The following CSMD1 variants were observed in gnomAD, a reference collection of about 807,000 sequenced individuals.
CSMD1 encodes CUB and sushi domain-containing protein 1.
A neutral mutation model predicts 417.5 loss-of-function variants in CSMD1; 213 were observed. The observed-to-expected ratio is 0.51, with a 90% CI of 0.46 to 0.57. The LOEUF (loss-of-function observed/expected upper bound fraction) is 0.57, where lower values mean the gene tolerates loss of function less well. Ranked by LOEUF, CSMD1 falls within the 20% of genes least tolerant of loss-of-function variation. The pLI is 0.00. For synonymous variants in CSMD1, 2,862 were observed against 1,736.8 expected (o/e 1.65, Z -16.11); for missense variants, 6,923 against 4,529.7 (o/e 1.53, Z -15.17).
chr8:4,196,009 A>G (rs923615807), intron 3 of CSMD1, among the ~76,000 whole-genome samples: 1 of 152,034 alleles, frequency 6.6e-6, no homozygotes, highest in Non-Finnish European at 1.5e-5. Context: ...CATGCGATCG[A>G]GACCATCCTG....
intron 68 of CSMD1, among the ~76,000 whole-genome samples, chr8:2,947,864 G>A (rs919164848): frequency 1.3e-5 from 2 of 150,644 alleles, no homozygotes; most frequent in South Asian, 4.2e-4. Context: ...ACATTATAAT[G>A]TTCTTCTATT....
chr8:3,926,489 A>AT (rs1337995575), intron 5 of CSMD1, among the ~76,000 whole-genome samples: 1 of 151,912 alleles, frequency 6.6e-6, no homozygotes, highest in Non-Finnish European at 1.5e-5. Flanking sequence ...TTTCATTAGT[A>AT]TTTTAATACT....
At chr8:4,450,706 G>C (rs1799089618) in intron 2 of CSMD1, among the ~76,000 whole-genome samples, 1 of 152,152 alleles carries the variant, frequency 6.6e-6, no homozygotes, top group African/African-American at 2.4e-5. Context: ...ACATCACAGA[G>C]TTTTAATAAA....
chr8:4,278,199 T>A (rs1250772652), intron 3 of CSMD1, among the ~76,000 whole-genome samples: 2 of 152,308 alleles, frequency 1.3e-5, no homozygotes, highest in East Asian at 3.9e-4. Context: ...ATAATTCCAG[T>A]GCTCAATAGA....
intron 8 of CSMD1, among the ~76,000 whole-genome samples, chr8:3,612,405 G>A (rs1801939572): frequency 6.6e-6 from 1 of 152,084 alleles, no homozygotes; most frequent in African/African-American, 2.4e-5. Context: ...CAAGTGTTAA[G>A]AAAATTAGTA....
At chr8:3,720,135 C>T (rs1244981559) in intron 6 of CSMD1, among the ~76,000 whole-genome samples, 2 of 152,214 alleles carry the variant, frequency 1.3e-5, no homozygotes, top group Non-Finnish European at 2.9e-5. Context: ...ACTCTTTATT[C>T]AGCTTTTCCC....
At chr8:3,247,657 C>T (rs888611514) in intron 26 of CSMD1, among the ~76,000 whole-genome samples, 5 of 152,146 alleles carry the variant, frequency 3.3e-5, no homozygotes, top group Admixed American at 1.3e-4. Context: ...AAGGCCCCCG[C>T]CCCCAGTTCT....
At chr8:3,630,075 T>C (rs543137680) in intron 7 of CSMD1, among the ~76,000 whole-genome samples, 9 of 152,288 alleles carry the variant, frequency 5.9e-5, no homozygotes, top group Non-Finnish European at 1.0e-4. Context: ...AAAATCCCCA[T>C]GGAAATAACA....
chr8:3,801,902 A>G (rs9314505), intron 5 of CSMD1, among the ~76,000 whole-genome samples: 121,405 of 151,934 alleles, frequency 0.8, 48,707 homozygotes, highest in African/African-American at 0.85. Flanking sequence ...CTCATATAAT[A>G]CCCAATGCCT....
intron 4 of CSMD1, among the ~76,000 whole-genome samples, chr8:3,999,359 C>T (rs995793183): frequency 1.3e-5 from 2 of 152,162 alleles, no homozygotes; most frequent in Non-Finnish European, 2.9e-5. Context: ...CCTCTCTCCA[C>T]CAAAATTATA....
At chr8:3,912,140 T>G (rs1808503791) in intron 5 of CSMD1, among the ~76,000 whole-genome samples, 1 of 152,206 alleles carries the variant, frequency 6.6e-6, no homozygotes, top group South Asian at 2.1e-4. Flanking sequence ...TATTTTTATT[T>G]AACCTGATTA....
intron 6 of CSMD1, among the ~76,000 whole-genome samples, chr8:3,750,363 TA>T (rs1386546896): frequency 1.3e-5 from 2 of 149,970 alleles, no homozygotes; most frequent in South Asian, 2.1e-4. Flanking sequence ...TGATTCAGGT[TA>T]AATATACGAT....
intron 3 of CSMD1, among the ~76,000 whole-genome samples, chr8:4,185,382 A>G (rs1305002145): frequency 1.3e-5 from 2 of 152,108 alleles, no homozygotes; most frequent in African/African-American, 2.4e-5. Context: ...CAGGGCTTTT[A>G]AAGTACCCAG....
intron 3 of CSMD1, among the ~76,000 whole-genome samples, chr8:4,112,051 T>C (rs1801884712): frequency 6.6e-6 from 1 of 152,178 alleles, no homozygotes; most frequent in Non-Finnish European, 1.5e-5. Flanking sequence ...TATGTTAACA[T>C]TTGCAATTTT....
intron 3 of CSMD1, among the ~76,000 whole-genome samples, chr8:4,049,327 T>C (rs985676474): frequency 6.6e-6 from 1 of 151,992 alleles, no homozygotes. Context: ...GGCCTCTATC[T>C]ACTAGATGCC....
intron 10 of CSMD1, among the ~76,000 whole-genome samples, chr8:3,501,567 G>A (rs1002628914): frequency 1.3e-5 from 2 of 152,134 alleles, no homozygotes. Context: ...TGAAATTAAT[G>A]GGTTAGAAAT....
chr8:3,431,444 C>A (rs1028646748), intron 12 of CSMD1, among the ~76,000 whole-genome samples: 2 of 152,184 alleles, frequency 1.3e-5, no homozygotes, highest in African/African-American at 4.8e-5. Flanking sequence ...GTCAGCATGT[C>A]ACTTTCAGTT....
At chr8:4,438,534 A>T (rs574970348) in intron 2 of CSMD1, among the ~76,000 whole-genome samples, 1 of 152,260 alleles carries the variant, frequency 6.6e-6, no homozygotes, top group East Asian at 1.9e-4. Context: ...CACTCCTTTC[A>T]CATGTTTTAC....
chr8:4,352,605 A>C (rs1024009065), intron 3 of CSMD1, among the ~76,000 whole-genome samples: 1 of 152,226 alleles, frequency 6.6e-6, no homozygotes, highest in Non-Finnish European at 1.5e-5. Flanking sequence ...AAGTTTGAGA[A>C]AAGTCATTTG....
Sources: allele counts gnomAD v4.1 joint callset (sites outside exome capture counted in the v4.1 genomes callset), GRCh38; gene constraint gnomAD v4.1.1; transcripts MANE v1.5; gene names NCBI Gene and HGNC (gene_info 2026-07-23, HGNC 2026-07-21).